The following CHRNB3 variants were observed in gnomAD, a reference collection of about 807,000 sequenced individuals.
CHRNB3 encodes cholinergic receptor nicotinic beta 3 subunit.
CHRNB3 carries 37 observed loss-of-function variants against 40.6 expected under a neutral mutation model. That is an observed-to-expected ratio of 0.91 (90% CI 0.70 to 1.20). The LOEUF (loss-of-function observed/expected upper bound fraction) is 1.20. Among genes scored for constraint, CHRNB3 ranks in the 50% most tolerant of loss-of-function variants. The pLI is 0.00. For synonymous variants in CHRNB3, 207 were observed against 207.1 expected (o/e 1.00, Z 0.00); for missense variants, 505 against 551.2 (o/e 0.92, Z 0.84).
At chr8:42,716,188 G>C (rs62516750) in intron 3 of CHRNB3, among the ~76,000 whole-genome samples, 1 of 151,842 alleles carries the variant, frequency 6.6e-6, no homozygotes, top group Non-Finnish European at 1.5e-5. Context: ...TGTTGGCCAG[G>C]CTGGCCTCGA....
In CHRNB3 at chr8:42,729,539, A is replaced by G. The variant is rs942714667; in HGVS notation, c.250-1055A>G. The stretch of plus-strand genomic sequence containing the variant: ...CTCAAAAATGTTGTCTAAGATAGAC[A>G]ATGTTTCCTCTGGGGTGTGGAGTTC... On this transcript the variant is annotated intron_variant, in intron 3 of 5. Coordinates refer to ENST00000289957, the MANE Select transcript of CHRNB3 (RefSeq NM_000749.5). Among the ~76,000 whole-genome samples, 7 of 152,220 alleles carry G rather than the reference A, an allele frequency of 4.6e-5. No individual in the cohort carries two copies. The South Asian group carries it at 1.5e-3, about 32-fold the overall frequency.
chr8:42,703,435 A>AAAAAAATAT lies in CHRNB3; in HGVS notation c.53-5281_53-5280insAAAAATATA. ...CAAGACTTCGTCTAAAAAAAAAAAA[A>AAAAAAATAT]ATATTTATATATATATATATATATA... On this transcript the variant is annotated intron_variant, in intron 1 of 5. Coordinates refer to ENST00000289957, the MANE Select transcript of CHRNB3 (RefSeq NM_000749.5). Among the ~76,000 whole-genome samples, 60 of 47,384 alleles carry AAAAAAATAT rather than the reference A, an allele frequency of 1.3e-3. 9 individuals carry two copies. The highest frequency in any genetic ancestry group is 2.6e-3 in the South Asian group (3 of 1,136). 31.1% of individuals were successfully genotyped at this position (47,384 alleles called of 152,430 possible). A position where few individuals can be genotyped will look rare whatever the true frequency, so the allele number is the denominator to read the frequency against.
intron 1 of CHRNB3, among the ~76,000 whole-genome samples, chr8:42,706,497 C>G (rs1229830111): frequency 6.6e-6 from 1 of 152,090 alleles, no homozygotes; most frequent in Non-Finnish European, 1.5e-5. Context: ...GTGCCCTCAG[C>G]GTGGCCCCGG....
chr8:42,733,963 A>G (rs1816472688), intron 5 of CHRNB3, among the ~76,000 whole-genome samples: 1 of 149,828 alleles, frequency 6.7e-6, no homozygotes, highest in Non-Finnish European at 1.5e-5. Flanking sequence ...TAAGCGTAAA[A>G]AGTGATCTGT....
At chr8:42,724,211 A>G (rs767604910) in intron 3 of CHRNB3, among the ~76,000 whole-genome samples, 14 of 152,118 alleles carry the variant, frequency 9.2e-5, no homozygotes, top group Non-Finnish European at 1.9e-4. Flanking sequence ...CCTGACCAAC[A>G]TGACAAAACC....
chr8:42,729,033 C>A (rs1474560569), intron 3 of CHRNB3, among the ~76,000 whole-genome samples: 1 of 152,016 alleles, frequency 6.6e-6, no homozygotes, highest in African/African-American at 2.4e-5. Flanking sequence ...AAGAGAAGCC[C>A]ATGAGCACCA....
At chr8:42,733,592 C>CTTTTTT (rs1208342996) in intron 5 of CHRNB3, among the ~76,000 whole-genome samples, 32 of 101,074 alleles carry the variant, frequency 3.2e-4, no homozygotes, top group Non-Finnish European at 3.7e-4. Flanking sequence ...CATCCTTCTT[C>CTTTTTT]TTTTTTTTTT....
chr8:42,732,675 T>C, intron 5 of CHRNB3, 126 bp downstream of exon 5: 1 of 890,748 alleles, frequency 1.1e-6, no homozygotes, highest in Admixed American at 3.5e-5. Context: ...ATGCTTTTTA[T>C]ACATATAACA....
At position 42,713,476 on chromosome 8, in the gene CHRNB3, A is replaced by G. The variant is rs547955896; in HGVS notation, c.249+3042A>G. Among the ~76,000 whole-genome samples, 20 of 152,262 alleles carry G rather than the reference A, an allele frequency of 1.3e-4. No individual in the cohort carries two copies. In the South Asian group the frequency reaches 3.7e-3, roughly 28 times the overall value. On this transcript the variant is annotated intron_variant, in intron 3 of 5. Transcript: ENST00000289957. The stretch of plus-strand genomic sequence containing the variant: ...CATGGAGCACACTGACACTTGGAAA[A>G]GTCAGCCCACTGACTGAAGTTCCCA...
chr8:42,719,233 C>T (rs62518194), intron 3 of CHRNB3, among the ~76,000 whole-genome samples: 8,717 of 152,208 alleles, frequency 0.057, 333 homozygotes, highest in Middle Eastern at 0.11. Flanking sequence ...TCTGGCTGCT[C>T]AGCTGGGCAC....
intron 3 of CHRNB3, among the ~76,000 whole-genome samples, chr8:42,719,380 C>G (rs1021993570): frequency 3.3e-5 from 5 of 152,176 alleles, no homozygotes; most frequent in African/African-American, 1.2e-4. Context: ...CATGGTGGCT[C>G]CTGCCTGTAA....
At chr8:42,709,094 C>T (rs766146556) in intron 2 of CHRNB3, among the ~76,000 whole-genome samples, 1 of 152,078 alleles carries the variant, frequency 6.6e-6, no homozygotes, top group Non-Finnish European at 1.5e-5. Flanking sequence ...CGATTCGCTG[C>T]GGGGAGGATG....
At chr8:42,711,144 C>G (rs1816008485) in intron 3 of CHRNB3, among the ~76,000 whole-genome samples, 1 of 151,934 alleles carries the variant, frequency 6.6e-6, no homozygotes. Flanking sequence ...ATGTTATCTA[C>G]AAAGAGAAAA....
rs1451548832 is a variant in CHRNB3, at chr8:42,731,978, C to T, written c.671C>T (p.Thr224Met). ...RDGVYSYPFI[T>M]YSFVLRRLPL... ...GGCGTGTACTCCTATCCCTTTATCA[C>T]GTATTCCTTCGTCCTGAGACGCCTG... is the stretch of plus-strand genomic sequence containing the variant. Residue 224 changes from threonine to methionine, a missense_variant, in exon 5 of 6, where the codon ACG becomes ATG. Physicochemically the swap from Thr to Met is moderately conservative, Grantham distance 81 (BLOSUM62 -1). Transcript: ENST00000289957. 1.9e-6 allele frequency: 3 copies of T among 1,613,944 alleles called. No homozygotes were observed. The highest frequency in any genetic ancestry group is 1.7e-5 in the Admixed American group (1 of 59,978).
At chr8:42,713,256 GC>G (rs1816049439) in intron 3 of CHRNB3, among the ~76,000 whole-genome samples, 1 of 151,956 alleles carries the variant, frequency 6.6e-6, no homozygotes, top group Non-Finnish European at 1.5e-5. Flanking sequence ...AGTCGTTTTG[GC>G]CAAAGAGAAC....
chr8:42,720,184 C>CGG (rs1463164201), intron 3 of CHRNB3, among the ~76,000 whole-genome samples: 2 of 132,132 alleles, frequency 1.5e-5, no homozygotes, highest in East Asian at 4.7e-4. Flanking sequence ...TGGAGTGCAG[C>CGG]GGCACGATCT....
In CHRNB3 at chr8:42,731,734, T is replaced by C. The variant is rs759584051; in HGVS notation, c.427T>C (p.Trp143Arg). 1.2e-6 allele frequency: 2 copies of C among 1,614,110 alleles called. No individual in the cohort carries two copies. Among genetic ancestry groups the C allele is most frequent in the Admixed American group, 3.3e-5 (2 of 59,996 alleles). ...CGTGAAATCAAACGGAACTGTTGTC[T>C]GGACCCCTCCCGCCAGCTACAAAAG... ...VIVKSNGTVV[W>R]TPPASYKSSC... Residue 143 changes from tryptophan (W) to arginine (R), a missense_variant, in exon 5 of 6, where the codon TGG (tryptophan) becomes CGG (arginine). Physicochemically the swap from Trp to Arg is moderately radical, Grantham distance 101. Coordinates refer to ENST00000289957, the MANE Select transcript of CHRNB3 (RefSeq NM_000749.5).
chr8:42,714,071 G>A (rs373565664), intron 3 of CHRNB3, among the ~76,000 whole-genome samples: 10 of 152,202 alleles, frequency 6.6e-5, no homozygotes, highest in African/African-American at 1.7e-4. Flanking sequence ...GTTAATACGC[G>A]CTGTTATGGC....
chr8:42,716,406 G>C (rs942978013), intron 3 of CHRNB3, among the ~76,000 whole-genome samples: 1 of 152,148 alleles, frequency 6.6e-6, no homozygotes, highest in African/African-American at 2.4e-5. Flanking sequence ...TCTGCACTGT[G>C]TAAGTGATGC....
Sources: allele counts gnomAD v4.1 joint callset (sites outside exome capture counted in the v4.1 genomes callset), GRCh38; gene constraint gnomAD v4.1.1; transcripts MANE v1.5; gene names NCBI Gene and HGNC (gene_info 2026-07-23, HGNC 2026-07-21).